Variants in COLGALT2 observed in about 807,000 individuals in gnomAD.
COLGALT2 encodes collagen beta(1-O)galactosyltransferase 2.
Under a neutral mutation model 73.4 loss-of-function variants are expected in COLGALT2, and 49 were observed. The observed-to-expected ratio is 0.67, with a 90% confidence interval of 0.53 to 0.85. COLGALT2 has a LOEUF of 0.85. COLGALT2 is among the 40% of genes least tolerant of loss of function. The pLI is 0.00. For synonymous variants in COLGALT2, 295 were observed against 307.6 expected (o/e 0.96, Z 0.43); for missense variants, 722 against 790.2 (o/e 0.91, Z 1.03).
chr1:183,948,447 C>T (rs575498823), intron 8 of COLGALT2, among the ~76,000 whole-genome samples: 59 of 152,256 alleles, frequency 3.9e-4, no homozygotes, highest in African/African-American at 9.1e-4. Context: ...ATCAAAGTAA[C>T]GTACCATATT....
At chr1:183,951,192 G>T in intron 7 of COLGALT2, 79 bp from the exon 8 acceptor site, 2 of 994,258 alleles carry the variant, frequency 2.0e-6, no homozygotes, top group Admixed American at 1.8e-5. Flanking sequence ...TTTAGTAAAT[G>T]TTTTAGATAG....
chr1:184,026,543 A>C (rs1488571561), intron 1 of COLGALT2, among the ~76,000 whole-genome samples: 2 of 152,200 alleles, frequency 1.3e-5, no homozygotes, highest in African/African-American at 4.8e-5. Context: ...AACTCAGAAC[A>C]ATCCTCTGTA....
intron 1 of COLGALT2, among the ~76,000 whole-genome samples, chr1:184,021,556 G>A (rs1432351555): frequency 5.9e-5 from 9 of 152,106 alleles, no homozygotes; most frequent in East Asian, 1.9e-4. Flanking sequence ...CAAAAAGGCC[G>A]TCGCCAGATG....
rs1481082799 is a variant in COLGALT2 at position 183,937,196 on chromosome 1, A to C, written c.*1565T>G. 6 of 1,222,220 alleles carry C rather than the reference A, an allele frequency of 4.9e-6. No homozygotes were observed. The highest frequency in any genetic ancestry group is 1.6e-5 in the African/African-American group (1 of 64,252). The allele number at this position is 1,222,220 out of a possible 1,614,324, so 75.7% of individuals were successfully genotyped here. On this transcript the variant is annotated 3_prime_UTR_variant, in exon 12 of 12. Transcript: ENST00000361927. ...CCCCATGAGTTTAAGTGTGAAGCTC[A>C]GGGTTTGGGGTGTGCACGGCCCCCC...
intron 2 of COLGALT2, 99 bp downstream of exon 2, chr1:183,978,311 A>G: frequency 1.5e-6 from 1 of 657,832 alleles, no homozygotes; most frequent in Non-Finnish European, 2.7e-6. Context: ...ATGAAAGACA[A>G]TGAAAAGTCA....
intron 1 of COLGALT2, among the ~76,000 whole-genome samples, chr1:183,984,265 C>T (rs1671428357): frequency 6.6e-6 from 1 of 152,142 alleles, no homozygotes. Flanking sequence ...ATTAACCAGG[C>T]GTGGTGGTGT....
At chr1:183,981,554 G>A (rs1257125839) in intron 1 of COLGALT2, among the ~76,000 whole-genome samples, 1 of 152,032 alleles carries the variant, frequency 6.6e-6, no homozygotes, top group Non-Finnish European at 1.5e-5. Flanking sequence ...CTACTTGGGA[G>A]GCTGAGGCAG....
intron 1 of COLGALT2, among the ~76,000 whole-genome samples, chr1:183,991,355 A>T (rs551642907): frequency 2.0e-5 from 3 of 152,202 alleles, no homozygotes; most frequent in Admixed American, 2.0e-4. Flanking sequence ...TGATTTTTTT[A>T]AAAAGCCATC....
At chr1:184,008,596 G>A (rs1341951984) in intron 1 of COLGALT2, among the ~76,000 whole-genome samples, 1 of 152,104 alleles carries the variant, frequency 6.6e-6, no homozygotes, top group African/African-American at 2.4e-5. Flanking sequence ...CAGGCTTGGT[G>A]GTGCATGCTT....
intron 10 of COLGALT2, 107 bp downstream of exon 10, chr1:183,944,089 G>A (rs1418808043): frequency 1.6e-6 from 2 of 1,264,646 alleles, no homozygotes; most frequent in Non-Finnish European, 2.1e-6. Context: ...TAGATAAGTG[G>A]AAGCTTAAGC....
chr1:183,970,121 T>G (rs540038714), intron 4 of COLGALT2, among the ~76,000 whole-genome samples: 1 of 152,384 alleles, frequency 6.6e-6, no homozygotes, highest in East Asian at 1.9e-4. Flanking sequence ...CTTCTTTCAA[T>G]GCAGTTACTT....
chr1:184,000,811 T>C (rs983647835), intron 1 of COLGALT2, among the ~76,000 whole-genome samples: 8 of 151,444 alleles, frequency 5.3e-5, no homozygotes, highest in African/African-American at 1.7e-4. Context: ...GAGGACAGTG[T>C]ATTTCAGCCC....
At chr1:184,019,300 G>A (rs1309869170) in intron 1 of COLGALT2, among the ~76,000 whole-genome samples, 1 of 152,164 alleles carries the variant, frequency 6.6e-6, no homozygotes, top group Non-Finnish European at 1.5e-5. Context: ...AGACAGCTAT[G>A]AGCTCACTGG....
intron 1 of COLGALT2, among the ~76,000 whole-genome samples, chr1:183,994,021 T>C (rs1671701487): frequency 6.9e-6 from 1 of 144,350 alleles, no homozygotes; most frequent in South Asian, 2.2e-4. Flanking sequence ...TTTTCTCTTG[T>C]AATTCTTTTT....
chr1:184,001,860 G>C (rs1671936303), intron 1 of COLGALT2, among the ~76,000 whole-genome samples: 3 of 152,194 alleles, frequency 2.0e-5, no homozygotes, highest in Admixed American at 1.3e-4. Flanking sequence ...ATAATCTGCA[G>C]GTAAAGTTGC....
chr1:183,962,442 A>C (rs769127948), intron 6 of COLGALT2, among the ~76,000 whole-genome samples: 1 of 151,944 alleles, frequency 6.6e-6, no homozygotes, highest in Non-Finnish European at 1.5e-5. Flanking sequence ...TACAGCCATG[A>C]GCCACCATGC....
intron 6 of COLGALT2, among the ~76,000 whole-genome samples, chr1:183,957,776 T>TG (rs973507108): frequency 2.9e-5 from 4 of 136,054 alleles, no homozygotes; most frequent in Non-Finnish European, 6.3e-5. Context: ...TTTTTTGTGG[T>TG]GGTTTTTTTT....
At chr1:184,015,877 A>G (rs1648986900) in intron 1 of COLGALT2, among the ~76,000 whole-genome samples, 1 of 152,246 alleles carries the variant, frequency 6.6e-6, no homozygotes, top group African/African-American at 2.4e-5. Flanking sequence ...TAGATGCCAT[A>G]GATGTGGCAA....
chr1:183,942,545 A>G (rs943407), intron 10 of COLGALT2, among the ~76,000 whole-genome samples: 25,189 of 152,186 alleles, frequency 0.17, 2,305 homozygotes, highest in Admixed American at 0.25. Flanking sequence ...ACACTCCCTC[A>G]ATGATTCCAA....
Sources: gnomAD v4.1 joint callset for allele counts (sites outside exome capture counted in the v4.1 genomes callset) on GRCh38, gnomAD v4.1.1 for gene constraint, MANE v1.5 for transcripts, NCBI Gene and HGNC (gene_info 2026-07-23, HGNC 2026-07-21) for gene names.